MACF1: variants seen among roughly 807,000 people sequenced by gnomAD.
The protein encoded by MACF1 is microtubule actin crosslinking factor 1.
In MACF1, 193 loss-of-function variants were observed where a neutral mutation model predicts 854.8. The ratio of observed to expected loss-of-function variants is 0.23; its 90% confidence interval spans 0.20 to 0.25. The LOEUF is 0.25. MACF1 is among the 10% of genes least tolerant of loss of function. The probability of loss-of-function intolerance (pLI) is 1.00; values close to 1 mark genes in which losing one functional copy is unlikely to be tolerated. For synonymous variants in MACF1, 3,185 were observed against 3,226.7 expected (o/e 0.99, Z 0.44); for missense variants, 7,722 against 8,929.1 (o/e 0.86, Z 5.45).
intron 38 of MACF1, among the ~76,000 whole-genome samples, chr1:39,337,929 C>T (rs920757957): frequency 6.6e-6 from 1 of 152,064 alleles, no homozygotes; most frequent in Non-Finnish European, 1.5e-5. Context: ...GCCGCCACGC[C>T]CAGCTAATTT....
Position 39,306,021 on chromosome 1 carries a change from G to C in MACF1, c.2789+2943G>C, listed in dbSNP as rs537438738. ...CCTATTAGAGATTTTTGTCCATTTT[G>C]TTTACCTCTGTATCTTTAGCACTTA... On this transcript the variant is annotated intron_variant, in intron 23 of 100. Transcript: ENST00000564288. 3.6e-4 allele frequency among the ~76,000 whole-genome samples: 55 copies of C among 152,094 alleles called. 1 individual carries two copies. The highest frequency in any genetic ancestry group is 1.3e-3 in the African/African-American group (55 of 41,480).
At chr1:39,338,552 A>G (rs545665309) in intron 38 of MACF1, among the ~76,000 whole-genome samples, 10 of 152,342 alleles carry the variant, frequency 6.6e-5, no homozygotes, top group Admixed American at 2.6e-4. Flanking sequence ...TAGATTTTCA[A>G]CTTACTTCAC....
At position 39,420,202 on chromosome 1, in the gene MACF1, G is replaced by T. The variant is rs1489552004; in HGVS notation, c.15817-2172G>T. The stretch of plus-strand genomic sequence containing the variant: ...CACAGAAAGAATTTAAATGTCAGTT[G>T]TAGAGTGAGATAGGATTTGGTTATT... On this transcript the variant is annotated intron_variant, in intron 58 of 100. Transcript: ENST00000564288. Among the ~76,000 whole-genome samples the T allele has an allele frequency of 3.3e-5, 5 of 152,204 alleles. No individual in the cohort carries two copies. In the East Asian group the frequency reaches 9.6e-4, roughly 29 times the overall value.
chr1:39,148,042 A>G (rs1464407899), intron 2 of MACF1, among the ~76,000 whole-genome samples: 1 of 152,218 alleles, frequency 6.6e-6, no homozygotes, highest in Admixed American at 6.5e-5. Context: ...TCAAAACTTA[A>G]TAGATTTTAA....
intron 2 of MACF1, among the ~76,000 whole-genome samples, chr1:39,172,323 T>C (rs1038111589): frequency 6.6e-6 from 1 of 152,218 alleles, no homozygotes; most frequent in African/African-American, 2.4e-5. Flanking sequence ...TTATAGCAGT[T>C]GAAGATGAAA....
intron 2 of MACF1, among the ~76,000 whole-genome samples, chr1:39,109,918 A>AGT (rs1191961854): frequency 6.6e-6 from 1 of 152,184 alleles, no homozygotes; most frequent in African/African-American, 2.4e-5. Context: ...ACACACTTTA[A>AGT]GTGACATACA....
intron 85 of MACF1, 119 bp downstream of exon 85, chr1:39,451,330 G>T: frequency 9.8e-7 from 1 of 1,016,234 alleles, no homozygotes; most frequent in Non-Finnish European, 1.4e-6. Context: ...GAGCCTGACA[G>T]TTGCTTTGTG....
At chr1:39,382,723 T>C (rs1453988035) in intron 56 of MACF1, among the ~76,000 whole-genome samples, 2 of 151,310 alleles carry the variant, frequency 1.3e-5, no homozygotes, top group South Asian at 2.1e-4. Flanking sequence ...TCCCCTGTGA[T>C]AGTGATCCAC....
At chr1:39,232,595 T>C (rs950159869) in intron 2 of MACF1, among the ~76,000 whole-genome samples, 1 of 152,204 alleles carries the variant, frequency 6.6e-6, no homozygotes, top group Non-Finnish European at 1.5e-5. Context: ...GTCTCATCCA[T>C]TGTAGCTGCT....
At chr1:39,138,408 C>A (rs1348315241) in intron 2 of MACF1, among the ~76,000 whole-genome samples, 1 of 147,408 alleles carries the variant, frequency 6.8e-6, no homozygotes, top group African/African-American at 2.5e-5. Context: ...ATGGTGAAAA[C>A]CTGTCTCTAC....
At chr1:39,419,473 C>T (rs1010163595) in intron 58 of MACF1, among the ~76,000 whole-genome samples, 5 of 152,080 alleles carry the variant, frequency 3.3e-5, no homozygotes, top group Non-Finnish European at 7.4e-5. Context: ...TTCAGATTTT[C>T]AGATTTGGGA....
rs551857026 is a variant in MACF1, at chr1:39,285,060, G to A, written c.1132-23G>A. 1.9e-6 allele frequency: 3 copies of A among 1,612,704 alleles called. No individual in the cohort carries two copies. The African/African-American group carries it at 4.0e-5, about 22-fold the overall frequency. On this transcript the variant is annotated intron_variant, in intron 11 of 100. Transcript: ENST00000564288. Reference sequence around the variant, plus strand: ...ACAAGAGGGCATGGCTGTGTTTTTGGACTGAAAGAGTATCTGTTTCAGGTG... The same window carrying A: ...ACAAGAGGGCATGGCTGTGTTTTTGAACTGAAAGAGTATCTGTTTCAGGTG...
At chr1:39,159,876 A>G (rs1446719934) in intron 2 of MACF1, among the ~76,000 whole-genome samples, 2 of 152,110 alleles carry the variant, frequency 1.3e-5, no homozygotes, top group Non-Finnish European at 2.9e-5. Flanking sequence ...GGGTTTTTTC[A>G]GGGATGAGGA....
intron 6 of MACF1, among the ~76,000 whole-genome samples, chr1:39,264,798 C>G (rs1300239425): frequency 2.0e-5 from 3 of 151,628 alleles, no homozygotes; most frequent in Non-Finnish European, 4.4e-5. Flanking sequence ...CTCAGCCTCC[C>G]CAGTAGCTGG....
intron 82 of MACF1, 63 bp downstream of exon 82, chr1:39,447,961 T>C (rs530482851): frequency 6.2e-7 from 1 of 1,610,612 alleles, no homozygotes; most frequent in East Asian, 2.2e-5. Flanking sequence ...ATTGAGTCTC[T>C]GGGATGATTC....
rs1248200152 is a variant in MACF1, at chr1:39,182,062, A to T, written c.221-49120A>T. 2.6e-5 allele frequency among the ~76,000 whole-genome samples: 4 copies of T among 151,906 alleles called. No individual in the cohort carries two copies. The East Asian group carries it at 7.7e-4, about 29-fold the overall frequency. On this transcript the variant is annotated intron_variant, in intron 2 of 93. Coordinates refer to the MACF1 transcript ENST00000361689. ...GCTACTCGGGAGGCTGAGGCAGGAG[A>T]ATCGCTTGAACCCGGGAGGCAGAGG...
At chr1:39,123,543 AT>A (rs1414934925) in intron 2 of MACF1, among the ~76,000 whole-genome samples, 4 of 139,822 alleles carry the variant, frequency 2.9e-5, no homozygotes, top group East Asian at 2.1e-4. Flanking sequence ...TTCCCAGGTG[AT>A]TTTTTTTTTC....
intron 95 of MACF1, among the ~76,000 whole-genome samples, chr1:39,466,524 G>C (rs1010024450): frequency 5.9e-5 from 9 of 152,308 alleles, no homozygotes; most frequent in African/African-American, 2.2e-4. Flanking sequence ...GTTCCTTCCT[G>C]ATTCACCCTG....
At chr1:39,212,858 C>T (rs1046565539) in intron 1 of MACF1, among the ~76,000 whole-genome samples, 4 of 152,246 alleles carry the variant, frequency 2.6e-5, no homozygotes, top group Admixed American at 2.0e-4. Flanking sequence ...CTCCTTACCT[C>T]AAGTGATCTG....
Sources: gnomAD v4.1 joint callset for allele counts (sites outside exome capture counted in the v4.1 genomes callset) on GRCh38, gnomAD v4.1.1 for gene constraint, MANE v1.5 for transcripts, NCBI Gene and HGNC (gene_info 2026-07-23, HGNC 2026-07-21) for gene names.